FAM110C: variants seen among roughly 807,000 people sequenced by gnomAD.
FAM110C encodes the protein family with sequence similarity 110 member C.
FAM110C carries 19 observed loss-of-function variants against 15.7 expected under a neutral mutation model. The observed-to-expected ratio is 1.21, with a 90% CI of 0.85 to 1.78. The LOEUF is 1.78. Ranked by LOEUF, FAM110C falls within the 40% of genes most tolerant of loss-of-function variation. The probability of loss-of-function intolerance (pLI) is 0.00; values close to 1 mark genes in which losing one functional copy is unlikely to be tolerated. For missense variants in FAM110C, 547 were observed against 495.7 expected (o/e 1.10, Z -0.98); for synonymous variants, 275 against 233.9 (o/e 1.18, Z -1.61).
At chr2:44,336 G>C in intron 1 of FAM110C, 1 of 985,182 alleles carries the variant, frequency 1.0e-6, no homozygotes, top group Non-Finnish European at 1.2e-6. Flanking sequence ...TAAAGTCATA[G>C]CCAGAGAAAT....
Position 46,415 on chromosome 2 carries a change from C to T in FAM110C, c.-30G>A. ...GCGGGGAATGGACCGACCGGGGTTC[C>T]GGGTCCAGCGGAGACGCGCTCGAGT... is the stretch of plus-strand genomic sequence containing the variant. On this transcript the variant is annotated 5_prime_UTR_variant, in exon 1 of 2. Coordinates refer to ENST00000327669, the MANE Select transcript of FAM110C (RefSeq NM_001077710.3). 1.6e-6 allele frequency: 2 copies of T among 1,256,008 alleles called. No homozygotes were observed. Among genetic ancestry groups the T allele is most frequent in the Non-Finnish European group, 2.0e-6 (2 of 999,700 alleles). The allele number at this position is 1,256,008 out of a possible 1,614,324, so 77.8% of individuals were successfully genotyped here.
rs1205635080 is a variant in FAM110C at position 39,200 on chromosome 2, T to C, written c.*2408A>G. 3 of 152,272 alleles carry C rather than the reference T, an allele frequency of 2.0e-5. No homozygotes were observed. 9.4% of individuals were successfully genotyped at this position (152,272 alleles called of 1,614,324 possible). A position where few individuals can be genotyped will look rare whatever the true frequency, so the allele number is the denominator to read the frequency against. On this transcript the variant is annotated 3_prime_UTR_variant, in exon 2 of 2. Transcript: ENST00000327669. The stretch of plus-strand genomic sequence containing the variant: ...ACTGAACTAAACAGTCTGATTTTTC[T>C]CAAAGTCACTCAGCAAATTGCGGTA...
rs1158477004 is a variant in FAM110C at position 41,489 on chromosome 2, T to C, written c.*119A>G. 8.5e-7 allele frequency: 1 copy of C among 1,178,600 alleles called. No individual in the cohort carries two copies. Among genetic ancestry groups the C allele is most frequent in the Admixed American group, 2.2e-5 (1 of 45,310 alleles). 73.0% of individuals were successfully genotyped at this position (1,178,600 alleles called of 1,614,324 possible). Reference sequence around the variant, plus strand: ...GTATTTTAAACCTTCTCAGAGCACTTGTTTTGTCAATGGGATGCTGCATTC... The same window carrying C: ...GTATTTTAAACCTTCTCAGAGCACTCGTTTTGTCAATGGGATGCTGCATTC... On this transcript the variant is annotated 3_prime_UTR_variant, in exon 2 of 2. Coordinates refer to ENST00000327669, the MANE Select transcript of FAM110C (RefSeq NM_001077710.3).
chr2:46,215 G>T lies in FAM110C; in HGVS notation c.171C>A (p.Gly57=). ...YVRGRPGTGR[G]VASEGSGPGA... is the part of the protein sequence containing the mutation. ...CCGGGCCGCTGCCCTCGGAAGCGAC[G>T]CCCCGGCCAGTCCCCGGCCGACCCC... is the stretch of plus-strand genomic sequence containing the variant. Residue 57 remains glycine, a synonymous_variant, in exon 1 of 2, where the codon GGC becomes GGA. Transcript: ENST00000327669. 1 of 1,382,146 alleles carries T rather than the reference G, an allele frequency of 7.2e-7. No individual in the cohort carries two copies. 85.6% of individuals were successfully genotyped at this position (1,382,146 alleles called of 1,614,324 possible).
intron 1 of FAM110C, chr2:43,276 G>A (rs1306377858): frequency 3.0e-6 from 3 of 985,332 alleles, no homozygotes; most frequent in Non-Finnish European, 3.6e-6. Context: ...AACTGGGGTA[G>A]CTTCTGTGGG....
At chr2:45,119 T>C (rs1030962046) in intron 1 of FAM110C, 1 of 985,316 alleles carries the variant, frequency 1.0e-6, no homozygotes, top group African/African-American at 1.7e-5. Flanking sequence ...TCTGGCAGCA[T>C]TTTGGATTTC....
At chr2:44,451 T>G in intron 1 of FAM110C, 3 of 985,438 alleles carry the variant, frequency 3.0e-6, no homozygotes, top group Non-Finnish European at 2.4e-6. Context: ...TCACTTAGTT[T>G]ATCACAATGG....
In FAM110C at chr2:41,989, G is replaced by C. The variant is rs2103269603; in HGVS notation, c.947-362C>G. ...GACAACAAAATAGGAAGCAATGCAG[G>C]CAGTTGAACTAAATATCTGAGGGCA... On this transcript the variant is annotated intron_variant, in intron 1 of 1. Coordinates refer to ENST00000327669, the MANE Select transcript of FAM110C (RefSeq NM_001077710.3). 3.0e-6 allele frequency: 3 copies of C among 985,382 alleles called. No homozygotes were observed. The South Asian group carries it at 1.4e-4, about 46-fold the overall frequency. The allele number at this position is 985,382 out of a possible 1,614,324, so 61.0% of individuals were successfully genotyped here.
chr2:44,025 A>G (rs1572062623), intron 1 of FAM110C: 1 of 985,250 alleles, frequency 1.0e-6, no homozygotes, highest in African/African-American at 1.7e-5. Flanking sequence ...TGCTCTATCC[A>G]CCAGACACTG....
At chr2:44,552 T>G in intron 1 of FAM110C, 1 of 985,444 alleles carries the variant, frequency 1.0e-6, no homozygotes, top group Non-Finnish European at 1.2e-6. Context: ...TCGCAAAGTT[T>G]AAATTGTTCG....
At chr2:43,046 G>A (rs1346635718) in intron 1 of FAM110C, 1 of 985,522 alleles carries the variant, frequency 1.0e-6, no homozygotes. Flanking sequence ...AGTGCTGGGA[G>A]GTGGGGAGCT....
At chr2:41,980 G>T (rs1664137158) in intron 1 of FAM110C, 1 of 985,388 alleles carries the variant, frequency 1.0e-6, no homozygotes, top group Non-Finnish European at 1.2e-6. Context: ...AAAATAGGAA[G>T]CAATGCAGGC....
Position 41,354 on chromosome 2 carries a change from G to A in FAM110C, c.*254C>T, listed in dbSNP as rs1264497251. ...CCAAACAGCTTTACGGTTTCCAGCTGCCCTCTGGAAGCAACACTAGTTTCA... is the reference window on the plus strand; with the variant it reads ...CCAAACAGCTTTACGGTTTCCAGCTACCCTCTGGAAGCAACACTAGTTTCA... On this transcript the variant is annotated 3_prime_UTR_variant, in exon 2 of 2. Coordinates refer to ENST00000327669, the MANE Select transcript of FAM110C (RefSeq NM_001077710.3). 7.4e-6 allele frequency: 3 copies of A among 407,040 alleles called. No homozygotes were observed. The highest frequency in any genetic ancestry group is 6.2e-5 in the African/African-American group (3 of 48,556). 25.2% of individuals were successfully genotyped at this position (407,040 alleles called of 1,614,324 possible).
chr2:45,320 G>C lies in FAM110C; in HGVS notation c.946+120C>G, dbSNP rs1051587685. Reference sequence around the variant, plus strand: ...TCTCTTGGGTCCCTTTCACACTGTAGCTCAAAATCGCACTCAATTCTAAGC... The same window carrying C: ...TCTCTTGGGTCCCTTTCACACTGTACCTCAAAATCGCACTCAATTCTAAGC... On this transcript the variant is annotated intron_variant, in intron 1 of 1. Coordinates refer to ENST00000327669, the MANE Select transcript of FAM110C (RefSeq NM_001077710.3). The C allele has an allele frequency of 1.2e-5, 17 of 1,442,710 alleles. No individual in the cohort carries two copies. The Admixed American group carries it at 2.5e-4, about 21-fold the overall frequency. 89.4% of individuals were successfully genotyped at this position (1,442,710 alleles called of 1,614,324 possible).
At chr2:41,773 A>C in intron 1 of FAM110C, 146 bp from the exon 2 acceptor site, 1 of 1,352,480 alleles carries the variant, frequency 7.4e-7, no homozygotes, top group Non-Finnish European at 9.5e-7. Context: ...TTTGCGTTTT[A>C]AATTTTGACA....
At chr2:42,295 T>C in intron 1 of FAM110C, 3 of 985,420 alleles carry the variant, frequency 3.0e-6, no homozygotes, top group Non-Finnish European at 3.6e-6. Context: ...CAAGGATAAA[T>C]GTGAAGATAG....
At chr2:43,244 G>T (rs1664175436) in intron 1 of FAM110C, 52 of 985,306 alleles carry the variant, frequency 5.3e-5, no homozygotes, top group Non-Finnish European at 5.9e-5. Context: ...TATAGTGCTG[G>T]TGACTGCCAA....
rs1664301365 is a variant in FAM110C at position 46,220 on chromosome 2, G to A, written c.166C>T (p.Arg56Trp). The change falls in exon 1 of 2, where the codon CGG becomes TGG. Residue 56 changes from arginine to tryptophan, a missense_variant. Physicochemically the swap from Arg to Trp is moderately radical, Grantham distance 101. Transcript: ENST00000327669. ...KYVRGRPGTG[R>W]GVASEGSGPG... ...CCGCTGCCCTCGGAAGCGACGCCCCGGCCAGTCCCCGGCCGACCCCGCACA... is the reference window on the plus strand; with the variant it reads ...CCGCTGCCCTCGGAAGCGACGCCCCAGCCAGTCCCCGGCCGACCCCGCACA... 6 of 1,390,074 alleles carry A rather than the reference G, an allele frequency of 4.3e-6. 1 individual carries two copies. Among genetic ancestry groups the A allele is most frequent in the South Asian group, 3.2e-5 (2 of 62,156 alleles). The allele number at this position is 1,390,074 out of a possible 1,614,324, so 86.1% of individuals were successfully genotyped here.
chr2:43,362 G>T, intron 1 of FAM110C: 1 of 985,272 alleles, frequency 1.0e-6, no homozygotes, highest in African/African-American at 1.7e-5. Flanking sequence ...TGGAACAAAC[G>T]GGATTCAGGT....
Sources: allele counts gnomAD v4.1 joint callset, GRCh38; gene constraint gnomAD v4.1.1; transcripts MANE v1.5; gene names NCBI Gene and HGNC (gene_info 2026-07-23, HGNC 2026-07-21).